FAM117B: variants seen among roughly 807,000 people sequenced by gnomAD.
FAM117B encodes family with sequence similarity 117 member B, also known as protein FAM117B.
In FAM117B, 22 loss-of-function variants were observed where a neutral mutation model predicts 52.8. That is an observed-to-expected ratio of 0.42 (90% CI 0.30 to 0.59). The LOEUF is 0.59. Ranked by LOEUF, FAM117B falls within the 20% of genes least tolerant of loss-of-function variation. The pLI is 0.22. For missense variants in FAM117B, 678 were observed against 802.6 expected (o/e 0.84, Z 1.88); for synonymous variants, 309 against 324.1 (o/e 0.95, Z 0.50).
In FAM117B at chr2:202,765,710, G is replaced by A. The variant is rs746725640; in HGVS notation, c.1716G>A (p.Met572Ile). 6.2e-7 allele frequency: 1 copy of A among 1,614,148 alleles called. No individual in the cohort carries two copies. ...DRVSRGTSTV[M>I]PSASLLPPPE... ...TCTCTCGAGGAACAAGTACAGTCAT[G>A]CCATCAGCTTCTCTACTCCCACCAC... The change falls in exon 8 of 8, where the codon ATG becomes ATA. Residue 572 changes from methionine to isoleucine, a missense_variant. Met to Ile is a conservative substitution (Grantham distance 10, BLOSUM62 1). Around this residue, in one of 3 missense-constraint regions of FAM117B, gnomAD observed 68 missense variants for 80.6 expected, o/e 0.84. Coordinates refer to ENST00000392238, the MANE Select transcript of FAM117B (RefSeq NM_173511.4).
intron 2 of FAM117B, among the ~76,000 whole-genome samples, chr2:202,700,808 C>T (rs1690786032): frequency 6.6e-6 from 1 of 152,012 alleles, no homozygotes; most frequent in African/African-American, 2.4e-5. Context: ...GTCCTCTTGC[C>T]TCAGGTTCCC....
intron 1 of FAM117B, among the ~76,000 whole-genome samples, chr2:202,638,593 A>C (rs757720587): frequency 6.7e-6 from 1 of 149,684 alleles, no homozygotes; most frequent in Non-Finnish European, 1.5e-5. Context: ...ATAAATAAAT[A>C]AATCCAGAAA....
intron 1 of FAM117B, among the ~76,000 whole-genome samples, chr2:202,693,256 A>G (rs780736531): frequency 2.0e-5 from 3 of 152,182 alleles, no homozygotes; most frequent in Non-Finnish European, 2.9e-5. Flanking sequence ...AGTAATTAAA[A>G]CACTAATTCT....
rs1322041387 is a variant in FAM117B at position 202,768,355 on chromosome 2, A to G, written c.*2591A>G. On this transcript the variant is annotated 3_prime_UTR_variant, in exon 8 of 8. Coordinates refer to ENST00000392238, the MANE Select transcript of FAM117B (RefSeq NM_173511.4). ...TTCAGAATTATTTACAGTCTTATAC[A>G]TAGAACTTCTAGTGTAATGTTTGGT... The G allele has an allele frequency of 1.3e-5, 2 of 152,312 alleles. No individual in the cohort carries two copies. The highest frequency in any genetic ancestry group is 4.8e-5 in the African/African-American group (2 of 41,472). 9.4% of individuals were successfully genotyped at this position (152,312 alleles called of 1,614,324 possible).
intron 4 of FAM117B, among the ~76,000 whole-genome samples, chr2:202,733,364 CAGAGAA>C (rs905129089): frequency 7.2e-5 from 11 of 152,132 alleles, no homozygotes; most frequent in African/African-American, 2.7e-4. Flanking sequence ...GGTTCAAGAG[CAGAGAA>C]CTGGTCTGAC....
At chr2:202,681,913 A>G (rs1690467999) in intron 1 of FAM117B, among the ~76,000 whole-genome samples, 1 of 152,114 alleles carries the variant, frequency 6.6e-6, no homozygotes, top group Non-Finnish European at 1.5e-5. Flanking sequence ...AAAACCACTC[A>G]TGGCCTGCCC....
At chr2:202,685,563 TAATTAA>T (rs1241893442) in intron 1 of FAM117B, among the ~76,000 whole-genome samples, 4 of 152,172 alleles carry the variant, frequency 2.6e-5, no homozygotes, top group African/African-American at 7.2e-5. Flanking sequence ...TGAAAAGGAA[TAATTAA>T]AATTAAAGAA....
At chr2:202,751,982 A>T (rs1185465674) in intron 4 of FAM117B, among the ~76,000 whole-genome samples, 1 of 152,002 alleles carries the variant, frequency 6.6e-6, no homozygotes, top group Non-Finnish European at 1.5e-5. Flanking sequence ...GAAAGAAGAG[A>T]TGGAAGTAAA....
At chr2:202,675,445 CAAAA>C (rs386392341) in intron 1 of FAM117B, among the ~76,000 whole-genome samples, 8 of 67,792 alleles carry the variant, frequency 1.2e-4, no homozygotes, top group Non-Finnish European at 1.8e-4. Flanking sequence ...GACCTTATCT[CAAAA>C]AAAAAAAAAA....
chr2:202,715,960 CA>C (rs1310285514), intron 2 of FAM117B, among the ~76,000 whole-genome samples: 1 of 151,520 alleles, frequency 6.6e-6, no homozygotes, highest in African/African-American at 2.4e-5. Context: ...CGCGTGCCTG[CA>C]ATCGCAGGCA....
intron 1 of FAM117B, among the ~76,000 whole-genome samples, chr2:202,652,438 A>T (rs1186159932): frequency 6.6e-6 from 1 of 152,216 alleles, no homozygotes; most frequent in Non-Finnish European, 1.5e-5. Context: ...CTTTGTGCAG[A>T]GCAGGATGTT....
chr2:202,687,038 C>G (rs539389621), intron 1 of FAM117B, among the ~76,000 whole-genome samples: 19 of 152,194 alleles, frequency 1.2e-4, no homozygotes, highest in Admixed American at 6.5e-4. Flanking sequence ...TAGACTAAGT[C>G]CAAAGACCTG....
chr2:202,758,458 A>G (rs1691836978), intron 6 of FAM117B, among the ~76,000 whole-genome samples: 1 of 152,138 alleles, frequency 6.6e-6, no homozygotes, highest in African/African-American at 2.4e-5. Context: ...TTGTGTCCTG[A>G]TCCATTTGAT....
intron 1 of FAM117B, among the ~76,000 whole-genome samples, chr2:202,680,282 G>T (rs1014822061): frequency 1.3e-5 from 2 of 152,044 alleles, no homozygotes; most frequent in Admixed American, 1.3e-4. Flanking sequence ...ACAAGGGAGA[G>T]GGGGGAGGGA....
chr2:202,766,001 T>C lies in FAM117B; in HGVS notation c.*237T>C. 1 of 534,176 alleles carries C rather than the reference T, an allele frequency of 1.9e-6. No homozygotes were observed. Among genetic ancestry groups the C allele is most frequent in the Non-Finnish European group, 3.3e-6 (1 of 300,096 alleles). 33.1% of individuals were successfully genotyped at this position (534,176 alleles called of 1,614,324 possible). A position where few individuals can be genotyped will look rare whatever the true frequency, so the allele number is the denominator to read the frequency against. ...AGCACTGATTGAAACAAGAAAGGTC[T>C]CATTCTTTACCTTTGGAGAGACAAT... is the stretch of plus-strand genomic sequence containing the variant. On this transcript the variant is annotated 3_prime_UTR_variant, in exon 8 of 8. Coordinates refer to ENST00000392238, the MANE Select transcript of FAM117B (RefSeq NM_173511.4).
rs1182174843 is a variant in FAM117B at position 202,655,761 on chromosome 2, AGT to A, written c.601+19996_601+19997del. Among the ~76,000 whole-genome samples, 773 of 100,154 alleles carry A rather than the reference AGT, an allele frequency of 7.7e-3. 4 individuals are homozygous for A. Among genetic ancestry groups the A allele is most frequent in the African/African-American group, 0.013 (372 of 29,100 alleles). 65.7% of individuals were successfully genotyped at this position (100,154 alleles called of 152,430 possible). A position where few individuals can be genotyped will look rare whatever the true frequency, so the allele number is the denominator to read the frequency against. ...GAGAGAGAGAGAGAGAGAGAGAGAG[AGT>A]GTGTGTGTGTGTGTGTGTGTGTTGA... On this transcript the variant is annotated intron_variant, in intron 1 of 7. Transcript: ENST00000392238.
At chr2:202,731,346 T>TG (rs1286810135) in intron 4 of FAM117B, among the ~76,000 whole-genome samples, 2 of 126,730 alleles carry the variant, frequency 1.6e-5, no homozygotes, top group East Asian at 5.2e-4. Flanking sequence ...TATATATATA[T>TG]ATATATATAT....
At chr2:202,656,703 T>C (rs1203248017) in intron 1 of FAM117B, among the ~76,000 whole-genome samples, 6 of 152,196 alleles carry the variant, frequency 3.9e-5, no homozygotes, top group Non-Finnish European at 7.3e-5. Flanking sequence ...GTCACTTAGG[T>C]CAGATTGATT....
chr2:202,719,118 A>G (rs1691109022), intron 2 of FAM117B, among the ~76,000 whole-genome samples: 1 of 152,262 alleles, frequency 6.6e-6, no homozygotes, highest in South Asian at 2.1e-4. Context: ...GTGTCCTACA[A>G]TCAAAGCACA....
Sources: allele counts gnomAD v4.1 joint callset (sites outside exome capture counted in the v4.1 genomes callset), GRCh38; gene constraint gnomAD v4.1.1; regional missense constraint gnomAD v4.1.1; transcripts MANE v1.5; gene names NCBI Gene and HGNC (gene_info 2026-07-23, HGNC 2026-07-21).